Variants in MYSM1 observed in about 807,000 individuals in gnomAD.
MYSM1 encodes deubiquitinase MYSM1.
A neutral mutation model predicts 116.0 loss-of-function variants in MYSM1; 51 were observed. The ratio of observed to expected loss-of-function variants is 0.44; its 90% CI spans 0.35 to 0.56. The LOEUF is 0.56. Ranked by LOEUF, MYSM1 falls within the 20% of genes least tolerant of loss-of-function variation. MYSM1 has a pLI of 0.00. For missense variants in MYSM1, 900 were observed against 974.9 expected, an observed-to-expected ratio of 0.92 and a Z score of 1.02; for synonymous variants, 313 against 315.2, an observed-to-expected ratio of 0.99 and a Z score of 0.07.
rs1644810128 is a variant in MYSM1 at position 58,685,223 on chromosome 1, A to G, written c.428T>C (p.Ile143Thr). The change falls in exon 7 of 20, where the codon ATT (isoleucine) becomes ACT (threonine). Residue 143 changes from isoleucine (I) to threonine (T), a missense_variant. By Grantham distance (89) the Ile-to-Thr change is moderately conservative. Around this residue, in one of 3 missense-constraint regions of MYSM1, gnomAD observed 622 missense variants for 623.7 expected, o/e 1.00. Coordinates refer to ENST00000472487, the MANE Select transcript of MYSM1 (RefSeq NM_001085487.3). ...AGTGCGGCTTCCAATTAGCTTTGAA[A>G]TTTTGGTCCATCTTCGGCCAAATTT... ...LAKFGRRWTK[I>T]SKLIGSRTVL... 1.2e-6 allele frequency: 2 copies of G among 1,607,984 alleles called. No homozygotes were observed. The highest frequency in any genetic ancestry group is 1.7e-6 in the Non-Finnish European group (2 of 1,178,190).
At chr1:58,672,988 C>T (rs554862037) in intron 11 of MYSM1, among the ~76,000 whole-genome samples, 1 of 152,282 alleles carries the variant, frequency 6.6e-6, no homozygotes, top group African/African-American at 2.4e-5. Context: ...GCAAGGCTTA[C>T]TGAATACCTA....
At chr1:58,676,126 A>G (rs1399112999) in intron 9 of MYSM1, among the ~76,000 whole-genome samples, 1 of 152,212 alleles carries the variant, frequency 6.6e-6, no homozygotes, top group African/African-American at 2.4e-5. Context: ...TTAATTCAAT[A>G]AAAGAGTAGA....
At chr1:58,666,394 G>A (rs546996906) in intron 16 of MYSM1, among the ~76,000 whole-genome samples, 10 of 152,064 alleles carry the variant, frequency 6.6e-5, no homozygotes, top group Non-Finnish European at 1.2e-4. Flanking sequence ...TCTAGTCCCT[G>A]TCCTAGTTGT....
chr1:58,661,215 C>T lies in MYSM1; in HGVS notation c.2283G>A (p.Met761Ile). The T allele has an allele frequency of 6.2e-7, 1 of 1,612,950 alleles. No homozygotes were observed. Residue 761 changes from methionine to isoleucine, a missense_variant, in exon 19 of 20, where the codon ATG becomes ATA. Coordinates refer to ENST00000472487, the MANE Select transcript of MYSM1 (RefSeq NM_001085487.3). Reference sequence around the variant, plus strand: ...CAGAATCCCGGCGAAAGATTTTATCCATGGGGACGCTGCTGTAGGAAGAAA... The same window carrying T: ...CAGAATCCCGGCGAAAGATTTTATCTATGGGGACGCTGCTGTAGGAAGAAA... ...KYRLSHSSVP[M>I]DKIFRRDSDL...
intron 10 of MYSM1, among the ~76,000 whole-genome samples, chr1:58,674,140 CT>C (rs1644607678): frequency 6.6e-6 from 1 of 152,088 alleles, no homozygotes; most frequent in African/African-American, 2.4e-5. Flanking sequence ...AGTGATTCTC[CT>C]GCCTCAGACT....
intron 7 of MYSM1, among the ~76,000 whole-genome samples, chr1:58,684,068 C>T (rs1279470159): frequency 6.6e-6 from 1 of 152,052 alleles, no homozygotes; most frequent in Non-Finnish European, 1.5e-5. Context: ...CTTGAAAATG[C>T]TTCTGTTTGG....
intron 1 of MYSM1, among the ~76,000 whole-genome samples, chr1:58,696,087 C>T (rs972628799): frequency 3.3e-5 from 5 of 152,160 alleles, no homozygotes; most frequent in South Asian, 2.1e-4. Flanking sequence ...ATGAACTATT[C>T]TCTAAAAGCA....
At chr1:58,695,292 AGT>A in intron 1 of MYSM1, 85 bp from the exon 2 acceptor site, 2 of 822,192 alleles carry the variant, frequency 2.4e-6, no homozygotes, top group Non-Finnish European at 4.0e-6. Context: ...TCCAGCAGGT[AGT>A]AAGGGAACTA....
chr1:58,685,734 A>G (rs2100660323), intron 6 of MYSM1, among the ~76,000 whole-genome samples: 1 of 152,318 alleles, frequency 6.6e-6, no homozygotes, highest in Admixed American at 6.5e-5. Context: ...ATCAGATATC[A>G]CAGTGAACTG....
At chr1:58,669,995 T>C (rs559195648) in intron 12 of MYSM1, among the ~76,000 whole-genome samples, 1 of 152,238 alleles carries the variant, frequency 6.6e-6, no homozygotes, top group East Asian at 1.9e-4. Flanking sequence ...AAAGGTTTTT[T>C]AGGCTATCTT....
intron 1 of MYSM1, chr1:58,699,666 T>C: frequency 5.1e-6 from 5 of 985,070 alleles, no homozygotes; most frequent in Non-Finnish European, 6.0e-6. Flanking sequence ...TTACTGTCGA[T>C]GAGATCCTGA....
chr1:58,658,358 T>A lies in MYSM1; in HGVS notation c.*1639A>T, dbSNP rs1483996275. On this transcript the variant is annotated 3_prime_UTR_variant, in exon 20 of 20. Transcript: ENST00000472487. ...CTTTTTTTTTTAAATGTATGTTAAT[T>A]TGGAAACTGTATTAACTCAAAATAT... 1 of 152,160 alleles carries A rather than the reference T, an allele frequency of 6.6e-6. No individual in the cohort carries two copies. Among genetic ancestry groups the A allele is most frequent in the Non-Finnish European group, 1.5e-5 (1 of 68,016 alleles). The allele number at this position is 152,160 out of a possible 1,614,324, so 9.4% of individuals were successfully genotyped here. A position where few individuals can be genotyped will look rare whatever the true frequency, so the allele number is the denominator to read the frequency against.
chr1:58,693,087 G>A (rs1278843718), intron 2 of MYSM1, among the ~76,000 whole-genome samples, 156 bp from the exon 3 acceptor site: 2 of 152,298 alleles, frequency 1.3e-5, no homozygotes, highest in Middle Eastern at 3.4e-3. Context: ...GTAACATTGA[G>A]ATAGGCATTA....
chr1:58,674,091 G>A (rs1010532362), intron 10 of MYSM1, among the ~76,000 whole-genome samples: 17 of 151,984 alleles, frequency 1.1e-4, no homozygotes, highest in African/African-American at 2.2e-4. Flanking sequence ...GTGCAGTGGC[G>A]TGATCTTTGC....
chr1:58,698,102 A>ATATATATATATATTTTTT lies in MYSM1; in HGVS notation c.68+1882_68+1883insAAAAAATATATATATATA. Among the ~76,000 whole-genome samples the ATATATATATATATTTTTT allele has an allele frequency of 6.4e-3, 50 of 7,764 alleles. 3 individuals carry two copies. The highest frequency in any genetic ancestry group is 0.012 in the African/African-American group (48 of 3,886). 5.1% of individuals were successfully genotyped at this position (7,764 alleles called of 152,430 possible). A position where few individuals can be genotyped will look rare whatever the true frequency, so the allele number is the denominator to read the frequency against. On this transcript the variant is annotated intron_variant, in intron 1 of 19. Transcript: ENST00000472487. ...TATCAGACTATATATATATATATAT[A>ATATATATATATATTTTTT]TTTTTTTTTTTTTTTTGAGACAGAG...
At chr1:58,664,445 GAC>G (rs570560028) in intron 17 of MYSM1, among the ~76,000 whole-genome samples, 106 of 152,074 alleles carry the variant, frequency 7.0e-4, no homozygotes, top group African/African-American at 2.4e-3. Flanking sequence ...AGACAAATAA[GAC>G]ACAGTCCCTG....
At chr1:58,668,831 C>T in intron 13 of MYSM1, 149 bp from the exon 14 acceptor site, 2 of 999,208 alleles carry the variant, frequency 2.0e-6, no homozygotes, top group Non-Finnish European at 3.0e-6. Flanking sequence ...ACTTTTAAAA[C>T]ATTATGATTT....
intron 9 of MYSM1, 182 bp downstream of exon 9, chr1:58,676,744 T>G: frequency 2.2e-6 from 1 of 457,248 alleles, no homozygotes. Flanking sequence ...TCAGTGTAGG[T>G]CAAATGAAAA....
At chr1:58,685,464 G>T (rs1644814943) in intron 6 of MYSM1, among the ~76,000 whole-genome samples, 1 of 152,112 alleles carries the variant, frequency 6.6e-6, no homozygotes, top group African/African-American at 2.4e-5. Context: ...TGATGGAAAT[G>T]ATTTAGAAAC....
Sources: allele counts gnomAD v4.1 joint callset (sites outside exome capture counted in the v4.1 genomes callset), GRCh38; gene constraint gnomAD v4.1.1; regional missense constraint gnomAD v4.1.1; transcripts MANE v1.5; gene names NCBI Gene and HGNC (gene_info 2026-07-23, HGNC 2026-07-21).